The following PEX2 variants were observed in gnomAD, a reference collection of about 807,000 sequenced individuals.
The protein encoded by PEX2 is peroxisomal biogenesis factor 2, also known as peroxisome biogenesis factor 2.
PEX2 carries 19 observed loss-of-function variants against 25.2 expected under a neutral mutation model. That is an observed-to-expected ratio of 0.75 (90% CI 0.53 to 1.10). The LOEUF is 1.10. Among genes scored for constraint, PEX2 ranks in the 50% least tolerant of loss-of-function variants. The pLI, the probability that PEX2 is intolerant of heterozygous loss-of-function variation, is 0.00. For missense variants in PEX2, 347 were observed against 350.6 expected (o/e 0.99, Z 0.08); for synonymous variants, 141 against 127.7 (o/e 1.10, Z -0.70).
intron 1 of PEX2, among the ~76,000 whole-genome samples, chr8:76,995,178 C>G (rs1257837415): frequency 6.6e-6 from 1 of 152,228 alleles, no homozygotes; most frequent in Non-Finnish European, 1.5e-5. Flanking sequence ...TCTCGTTCCT[C>G]TCTTTCACCA....
intron 2 of PEX2, among the ~76,000 whole-genome samples, chr8:76,986,786 C>A (rs1807015453): frequency 6.6e-6 from 1 of 152,160 alleles, no homozygotes; most frequent in African/African-American, 2.4e-5. Context: ...GCACTCTATT[C>A]TTTCCCTTTC....
At chr8:77,000,360 T>G (rs1370968158), upstream of PEX2, 2 of 151,088 alleles carry the variant, frequency 1.3e-5, no homozygotes, top group African/African-American at 6.1e-5. Context: ...GGGCCGCAAG[T>G]GAGGACACTA....
chr8:76,982,689 G>A lies in PEX2; in HGVS notation c.*572C>T, dbSNP rs757493933. 19 of 154,834 alleles carry A rather than the reference G, an allele frequency of 1.2e-4. No homozygotes were observed. The highest frequency in any genetic ancestry group is 2.7e-4 in the Non-Finnish European group (19 of 70,200). 9.6% of individuals were successfully genotyped at this position (154,834 alleles called of 1,614,324 possible). A position where few individuals can be genotyped will look rare whatever the true frequency, so the allele number is the denominator to read the frequency against. On this transcript the variant is annotated 3_prime_UTR_variant, in exon 4 of 4. Coordinates refer to ENST00000357039, the MANE Select transcript of PEX2 (RefSeq NM_000318.3). The stretch of plus-strand genomic sequence containing the variant: ...CCGGGCATGGTGGCATGCACCTGCA[G>A]TGCCAGCTACTCGGGAGGCTGAGGC...
intron 1 of PEX2, among the ~76,000 whole-genome samples, chr8:76,999,281 T>TG (rs1350462252): frequency 6.6e-6 from 1 of 152,208 alleles, no homozygotes; most frequent in African/African-American, 2.4e-5. Flanking sequence ...GTGTTAGACT[T>TG]GAACGTTCAA....
Position 76,989,770 on chromosome 8 carries a change from C to T in PEX2, c.-159-1432G>A, listed in dbSNP as rs531624676. Reference sequence around the variant, plus strand: ...GTAAACAGATGTGCTGTCATCCAGGCTTTGTTTTTTTCATTTATAAAGTAC... The same window carrying T: ...GTAAACAGATGTGCTGTCATCCAGGTTTTGTTTTTTTCATTTATAAAGTAC... On this transcript the variant is annotated intron_variant, in intron 1 of 3. Transcript: ENST00000357039. Among the ~76,000 whole-genome samples, 5 of 152,216 alleles carry T rather than the reference C, an allele frequency of 3.3e-5. No individual in the cohort carries two copies. In the East Asian group the frequency reaches 9.7e-4, roughly 29 times the overall value.
intron 1 of PEX2, among the ~76,000 whole-genome samples, chr8:76,994,013 C>T (rs963384623): frequency 5.9e-5 from 9 of 152,076 alleles, no homozygotes; most frequent in African/African-American, 9.7e-5. Flanking sequence ...TACTAGGGTT[C>T]GTGTGATTAA....
At chr8:76,994,677 C>CCT (rs1190766321) in intron 1 of PEX2, among the ~76,000 whole-genome samples, 14 of 152,020 alleles carry the variant, frequency 9.2e-5, no homozygotes, top group Non-Finnish European at 1.9e-4. Context: ...TGTGTCATAC[C>CCT]CACTCATGCA....
At chr8:76,991,258 G>A (rs765566827) in intron 1 of PEX2, among the ~76,000 whole-genome samples, 11 of 152,286 alleles carry the variant, frequency 7.2e-5, no homozygotes, top group Middle Eastern at 3.4e-3. Context: ...AATTTTTAAT[G>A]ACTGCCAGAA....
rs768264291 is a variant in PEX2, at chr8:76,983,956, T to G, written c.223A>C (p.Thr75Pro). The G allele has an allele frequency of 6.2e-7, 1 of 1,614,204 alleles. No individual in the cohort carries two copies. The highest frequency in any genetic ancestry group is 1.1e-5 in the South Asian group (1 of 91,084). ...WRFTIYSKNA[T>P]VGQSVLNIKY... ...ATATTCAAAACTGACTGTCCCACTG[T>G]GGCATTTTTGGAGTAGATGGTGAAT... is the stretch of plus-strand genomic sequence containing the variant. The change falls in exon 4 of 4, where the codon ACA becomes CCA. Residue 75 changes from threonine (T) to proline (P), a missense_variant. By Grantham distance (38) the Thr-to-Pro change is conservative. Transcript: ENST00000357039.
intron 1 of PEX2, among the ~76,000 whole-genome samples, chr8:76,999,066 A>T (rs181532670): frequency 6.6e-6 from 1 of 152,150 alleles, no homozygotes; most frequent in Admixed American, 6.5e-5. Context: ...CTTTCTGGAA[A>T]CAAGTAATTG....
intron 1 of PEX2, among the ~76,000 whole-genome samples, chr8:76,998,214 T>A (rs2132062625): frequency 6.6e-6 from 1 of 152,302 alleles, no homozygotes; most frequent in African/African-American, 2.4e-5. Context: ...TTATTTGATG[T>A]TGTGAGAAAA....
chr8:76,996,425 A>T (rs1333306321), intron 1 of PEX2, among the ~76,000 whole-genome samples: 1 of 152,176 alleles, frequency 6.6e-6, no homozygotes, highest in East Asian at 1.9e-4. Context: ...CCCAAAAGTT[A>T]AACATAAACA....
At position 76,983,553 on chromosome 8, in the gene PEX2, G is replaced by A; in HGVS notation, c.626C>T (p.Pro209Leu). The change falls in exon 4 of 4, where the codon CCA becomes CTA. Residue 209 changes from proline to leucine, a missense_variant. Transcript: ENST00000357039. Reference protein sequence around the residue: ...GFAEFLIFLLPLINVQKLKAK... With the variant: ...GFAEFLIFLLLLINVQKLKAK... ...TTTCAACTTCTGGACATTGATAAGT[G>A]GTAAGAGAAAAATCAGAAATTCAGC... 2 of 1,613,988 alleles carry A rather than the reference G, an allele frequency of 1.2e-6. No homozygotes were observed. The highest frequency in any genetic ancestry group is 1.7e-6 in the Non-Finnish European group (2 of 1,180,016).
At chr8:76,987,516 C>T (rs4507742) in intron 2 of PEX2, among the ~76,000 whole-genome samples, 47,756 of 151,958 alleles carry the variant, frequency 0.31, 8,161 homozygotes, top group East Asian at 0.46. Context: ...AGGAAGGTAA[C>T]GGGAAGCCCC....
At chr8:76,990,955 T>C (rs1475409843) in intron 1 of PEX2, among the ~76,000 whole-genome samples, 1 of 152,184 alleles carries the variant, frequency 6.6e-6, no homozygotes, top group Admixed American at 6.5e-5. Flanking sequence ...AAAAGCAGTA[T>C]CTGCAAACCA....
intron 1 of PEX2, among the ~76,000 whole-genome samples, chr8:76,988,791 A>G (rs150720132): frequency 1.8e-4 from 28 of 152,274 alleles, no homozygotes; most frequent in African/African-American, 5.8e-4. Context: ...TGCTTTATCA[A>G]TTAAGTTTAT....
At chr8:76,986,745 T>C (rs1295974157) in intron 2 of PEX2, among the ~76,000 whole-genome samples, 7 of 152,180 alleles carry the variant, frequency 4.6e-5, no homozygotes, top group Non-Finnish European at 8.8e-5. Flanking sequence ...GACTCCAAAT[T>C]TGGGTTGCTG....
rs745832638 is a variant in PEX2 at position 76,983,844 on chromosome 8, C to G, written c.335G>C (p.Gly112Ala). Residue 112 changes from glycine to alanine, a missense_variant, in exon 4 of 4, where the codon GGT becomes GCT. Gly to Ala is a moderately conservative substitution (Grantham distance 60, BLOSUM62 0). Transcript: ENST00000357039. Reference protein sequence around the residue: ...QKIWYAVCTIGGRWLEERCYD... With the variant: ...QKIWYAVCTIAGRWLEERCYD... ...GCATCGTTCTTCTAACCACCTGCCA[C>G]CAATTGTACAAACAGCATACCAGAT... is the stretch of plus-strand genomic sequence containing the variant. 4.3e-6 allele frequency: 7 copies of G among 1,614,034 alleles called. No homozygotes were observed. The highest frequency in any genetic ancestry group is 2.2e-5 in the East Asian group (1 of 44,888).
chr8:76,990,295 C>T (rs1407484971), intron 1 of PEX2, among the ~76,000 whole-genome samples: 4 of 152,096 alleles, frequency 2.6e-5, no homozygotes, highest in African/African-American at 9.7e-5. Context: ...ATCTAGACCA[C>T]TAAAACTTGT....
Sources: allele counts gnomAD v4.1 joint callset (sites outside exome capture counted in the v4.1 genomes callset), GRCh38; gene constraint gnomAD v4.1.1; transcripts MANE v1.5; gene names NCBI Gene and HGNC (gene_info 2026-07-23, HGNC 2026-07-21).